NPTXR: variants seen among roughly 807,000 people sequenced by gnomAD.
The protein encoded by NPTXR is neuronal pentraxin receptor.
A neutral mutation model predicts 32.2 loss-of-function variants in NPTXR; 12 were observed. The ratio of observed to expected loss-of-function variants is 0.37; its 90% CI spans 0.24 to 0.60. The LOEUF is 0.60. NPTXR is among the 20% of genes least tolerant of loss of function. The probability of loss-of-function intolerance (pLI) is 0.66; values close to 1 mark genes in which losing one functional copy is unlikely to be tolerated. For missense variants in NPTXR, 612 were observed against 682.9 expected (o/e 0.90, Z 1.16); for synonymous variants, 323 against 315.8 (o/e 1.02, Z -0.24).
rs925653204 is a variant in NPTXR at position 38,843,238 on chromosome 22, C to G, written c.621G>C (p.Leu207=). 20 of 1,385,100 alleles carry G rather than the reference C, an allele frequency of 1.4e-5. No individual in the cohort carries two copies. The African/African-American group carries it at 2.9e-4, about 20-fold the overall frequency. 85.8% of individuals were successfully genotyped at this position (1,385,100 alleles called of 1,614,324 possible). ...CCCGACGGCGCGCGGCGCTCACCTC[C>G]AGGCGGTCGATGCGGTCCCGCAGGG... The change falls in exon 1 of 5, where the codon CTG becomes CTC. Residue 207 remains leucine, a synonymous_variant. Transcript: ENST00000333039. The surrounding 1 kb of genome is among the most constrained non-coding windows in gnomAD (Gnocchi z 5.3).
chr22:38,826,521 C>T lies in NPTXR; in HGVS notation c.1077G>A (p.Met359Ile). The T allele has an allele frequency of 1.2e-6, 2 of 1,611,532 alleles. No individual in the cohort carries two copies. Among genetic ancestry groups the T allele is most frequent in the South Asian group, 2.2e-5 (2 of 90,900 alleles). The stretch of plus-strand genomic sequence containing the variant: ...CTACCTTGTCGTTGATCAGCAGCTC[C>T]ATGGGCTCATGGCCCGCCTCTAGCA... The change falls in exon 3 of 5, where the codon ATG becomes ATA. Residue 359 changes from methionine (M) to isoleucine (I), a missense_variant. Transcript: ENST00000333039.
At position 38,828,464 on chromosome 22, in the gene NPTXR, A is replaced by C; in HGVS notation, c.673T>G (p.Ser225Ala). ...GAGTGTAGGCCGGTGGGCACAGCAGAGACTGGGGCTGGGGCAGCTGAGAGG... is the reference window on the plus strand; with the variant it reads ...GAGTGTAGGCCGGTGGGCACAGCAGCGACTGGGGCTGGGGCAGCTGAGAGG... Residue 225 changes from serine to alanine, a missense_variant, in exon 2 of 5, where the codon TCT (serine) becomes GCT (alanine). Transcript: ENST00000333039. The C allele has an allele frequency of 6.2e-7, 1 of 1,610,870 alleles. No homozygotes were observed. Among genetic ancestry groups the C allele is most frequent in the South Asian group, 1.1e-5 (1 of 90,682 alleles).
In NPTXR at chr22:38,843,995, G is replaced by T. The variant is rs2093136250; in HGVS notation, c.-137C>A. On this transcript the variant is annotated 5_prime_UTR_variant, in exon 1 of 5. Transcript: ENST00000333039. This position sits in a 1 kb window ranked among gnomAD's most constrained non-coding sequence, Gnocchi z 5.3. ...GGAGCCGGAGCCGGAGCCGGAGCTG[G>T]AGCTGTCGCCGCGGCCGCTGCTGCC... 3 of 336,798 alleles carry T rather than the reference G, an allele frequency of 8.9e-6. No individual in the cohort carries two copies. Among genetic ancestry groups the T allele is most frequent in the Non-Finnish European group, 1.3e-5 (3 of 239,132 alleles). The allele number at this position is 336,798 out of a possible 1,614,324, so 20.9% of individuals were successfully genotyped here.
At chr22:38,824,660 G>A (rs2093103524) in intron 3 of NPTXR, among the ~76,000 whole-genome samples, 2 of 152,204 alleles carry the variant, frequency 1.3e-5, no homozygotes, top group Non-Finnish European at 2.9e-5. Context: ...GGACTCTAGA[G>A]CGTCCCAGAA....
At position 38,828,429 on chromosome 22, in the gene NPTXR, G is replaced by T; in HGVS notation, c.708C>A (p.Asp236Glu). ...GGGCCAGCAGCTGCCCCTCCAGCTG[G>T]TCCATCTTGGAGTGTAGGCCGGTGG... The change falls in exon 2 of 5, where the codon GAC becomes GAA. Residue 236 changes from aspartate to glutamate, a missense_variant. Physicochemically the swap from Asp to Glu is conservative, Grantham distance 45. Transcript: ENST00000333039. 6.2e-7 allele frequency: 1 copy of T among 1,612,568 alleles called. No individual in the cohort carries two copies. Among genetic ancestry groups the T allele is most frequent in the Non-Finnish European group, 8.5e-7 (1 of 1,179,770 alleles).
chr22:38,836,940 G>A (rs919504565), intron 1 of NPTXR, among the ~76,000 whole-genome samples: 2 of 151,976 alleles, frequency 1.3e-5, no homozygotes, highest in Non-Finnish European at 2.9e-5. Flanking sequence ...TCAGCCTCCC[G>A]AGTAGCTGGG....
At chr22:38,837,767 G>A (rs1158864144) in intron 1 of NPTXR, among the ~76,000 whole-genome samples, 1 of 152,180 alleles carries the variant, frequency 6.6e-6, no homozygotes, top group African/African-American at 2.4e-5. Context: ...GAGGGAAAGT[G>A]ATTAGTCTAA....
intron 1 of NPTXR, among the ~76,000 whole-genome samples, chr22:38,828,962 G>C (rs887852674): frequency 6.6e-6 from 1 of 152,242 alleles, no homozygotes; most frequent in Non-Finnish European, 1.5e-5. Flanking sequence ...CTTGGCAAAA[G>C]GCTCTGTATG....
chr22:38,818,537 TACACACACACACACACGC>T lies in NPTXR; in HGVS notation c.*4054_*4071del, dbSNP rs1569325238. 2 of 150,662 alleles carry T rather than the reference TACACACACACACACACGC, an allele frequency of 1.3e-5. No individual in the cohort carries two copies. The highest frequency in any genetic ancestry group is 4.9e-5 in the African/African-American group (2 of 41,014). The allele number at this position is 150,662 out of a possible 1,614,324, so 9.3% of individuals were successfully genotyped here. ...AACCATGACACAGATCACACACACA[TACACACACACACACACGC>T]ACACACACGCACACATGTTGCAGCT... On this transcript the variant is annotated 3_prime_UTR_variant, in exon 5 of 5. Transcript: ENST00000333039. This position sits in a 1 kb window ranked among gnomAD's most constrained non-coding sequence, Gnocchi z 4.5.
At chr22:38,825,882 G>A (rs569882835) in intron 3 of NPTXR, among the ~76,000 whole-genome samples, 21 of 133,156 alleles carry the variant, frequency 1.6e-4, no homozygotes, top group Admixed American at 2.5e-4. Context: ...TTCCTCTGTC[G>A]CCCAGGCTGG....
At chr22:38,838,799 T>C (rs1239365363) in intron 1 of NPTXR, among the ~76,000 whole-genome samples, 1 of 151,902 alleles carries the variant, frequency 6.6e-6, no homozygotes, top group Non-Finnish European at 1.5e-5. Flanking sequence ...GCCAGGATGG[T>C]CTCGATCTCC....
intron 1 of NPTXR, among the ~76,000 whole-genome samples, chr22:38,838,139 G>A (rs1043588430): frequency 6.6e-6 from 1 of 152,144 alleles, no homozygotes; most frequent in Non-Finnish European, 1.5e-5. Flanking sequence ...TTACAGGTGT[G>A]AGCCACCGCT....
intron 1 of NPTXR, among the ~76,000 whole-genome samples, chr22:38,829,274 T>A (rs1362499202): frequency 6.6e-6 from 1 of 152,110 alleles, no homozygotes; most frequent in Admixed American, 6.5e-5. Flanking sequence ...TGTTCCAGGG[T>A]AGGCTCTGAC....
intron 1 of NPTXR, among the ~76,000 whole-genome samples, chr22:38,840,670 T>C (rs1357090149): frequency 6.6e-6 from 1 of 151,964 alleles, no homozygotes; most frequent in African/African-American, 2.4e-5. Flanking sequence ...AGGAGGCCGA[T>C]GTGTTGATGG....
chr22:38,833,470 C>A (rs1460035414), intron 1 of NPTXR, among the ~76,000 whole-genome samples: 1 of 152,200 alleles, frequency 6.6e-6, no homozygotes, highest in Admixed American at 6.5e-5. Flanking sequence ...TGGGCTTCAC[C>A]AGCTGAGTGG....
chr22:38,828,147 C>T, intron 2 of NPTXR, 140 bp downstream of exon 2: 3 of 654,678 alleles, frequency 4.6e-6, no homozygotes, highest in Non-Finnish European at 8.1e-6. Flanking sequence ...CCCAATGATT[C>T]TCTCCACTGT....
At chr22:38,839,577 G>A (rs5757307) in intron 1 of NPTXR, among the ~76,000 whole-genome samples, 87,821 of 151,902 alleles carry the variant, frequency 0.58, 25,804 homozygotes, top group East Asian at 0.85. Context: ...CCTAGAAGGC[G>A]GAGGTTGCAA....
rs927618411 is a variant in NPTXR, at chr22:38,822,404, T to G, written c.*205A>C. On this transcript the variant is annotated 3_prime_UTR_variant, in exon 5 of 5. Coordinates refer to ENST00000333039, the MANE Select transcript of NPTXR (RefSeq NM_014293.4). ...GGCTCCCACTGTTCACTTGAGACGCTCCTCCCCACTCAGGTGGGGACAGGG... is the reference window on the plus strand; with the variant it reads ...GGCTCCCACTGTTCACTTGAGACGCGCCTCCCCACTCAGGTGGGGACAGGG... 26 of 588,772 alleles carry G rather than the reference T, an allele frequency of 4.4e-5. No homozygotes were observed. The African/African-American group carries it at 4.5e-4, about 10-fold the overall frequency. 36.5% of individuals were successfully genotyped at this position (588,772 alleles called of 1,614,324 possible).
intron 2 of NPTXR, 51 bp from the exon 3 acceptor site, chr22:38,826,798 G>A: frequency 6.3e-7 from 1 of 1,579,292 alleles, no homozygotes; most frequent in Non-Finnish European, 8.6e-7. Context: ...ACCGAAAAGG[G>A]TGGGGTGGAC....
Sources: gnomAD v4.1 joint callset for allele counts (sites outside exome capture counted in the v4.1 genomes callset) on GRCh38, gnomAD v4.1.1 for gene constraint, Gnocchi (gnomAD v3.1) non-coding constraint, MANE v1.5 for transcripts, NCBI Gene and HGNC (gene_info 2026-07-23, HGNC 2026-07-21) for gene names.